Variants in PARD3B observed in about 807,000 individuals in gnomAD.
The protein encoded by PARD3B is partitioning defective 3 homolog B.
Under a neutral mutation model 130.2 loss-of-function variants are expected in PARD3B, and 103 were observed. The observed-to-expected ratio is 0.79, with a 90% CI of 0.67 to 0.93. The LOEUF (loss-of-function observed/expected upper bound fraction) is 0.93. Among genes scored for constraint, PARD3B ranks in the 40% least tolerant of loss-of-function variants. PARD3B has a pLI of 0.00. For missense variants in PARD3B, 1,609 were observed against 1,499.2 expected (o/e 1.07, Z -1.21); for synonymous variants, 583 against 553.2 (o/e 1.05, Z -0.76).
chr2:205,089,866 G>GTC (rs1287677204), intron 4 of PARD3B, among the ~76,000 whole-genome samples: 3 of 152,142 alleles, frequency 2.0e-5, no homozygotes, highest in African/African-American at 7.2e-5. Context: ...TCAGAGGAAG[G>GTC]TCATCCACAG....
chr2:205,211,982 C>G (rs868463241), intron 15 of PARD3B, among the ~76,000 whole-genome samples: 5 of 151,928 alleles, frequency 3.3e-5, no homozygotes, highest in South Asian at 2.1e-4. Flanking sequence ...TCATAGCACC[C>G]AAATTGAAGG....
At position 205,241,348 on chromosome 2, in the gene PARD3B, AAAGATC is replaced by A. The variant is rs1399724320; in HGVS notation, c.2141-4425_2141-4420del. Among the ~76,000 whole-genome samples, 2 of 152,200 alleles carry A rather than the reference AAAGATC, an allele frequency of 1.3e-5. No individual in the cohort carries two copies. The highest frequency in any genetic ancestry group is 2.1e-4 in the South Asian group (1 of 4,838). On this transcript the variant is annotated intron_variant, in intron 15 of 22. Transcript: ENST00000406610. The surrounding 1 kb of genome is among the most constrained non-coding windows in gnomAD (Gnocchi z 4.2). ...TCCTATTATCTAAATAAATCGGAAG[AAAGATC>A]AAGAGGAGGCAGTCCATGGTACTCT...
intron 18 of PARD3B, among the ~76,000 whole-genome samples, chr2:205,343,384 C>G (rs1278347603): frequency 6.6e-6 from 1 of 152,192 alleles, no homozygotes; most frequent in African/African-American, 2.4e-5. Flanking sequence ...AGTTAGGGAG[C>G]TGTTTAGATT....
chr2:204,820,238 A>G (rs1559171057), intron 2 of PARD3B, among the ~76,000 whole-genome samples: 2 of 150,888 alleles, frequency 1.3e-5, no homozygotes, highest in South Asian at 4.2e-4. Flanking sequence ...ACCATGCCCA[A>G]TTAATTTTAT....
intron 11 of PARD3B, among the ~76,000 whole-genome samples, chr2:205,165,825 C>T (rs1408815555): frequency 6.6e-6 from 1 of 152,036 alleles, no homozygotes; most frequent in African/African-American, 2.4e-5. Flanking sequence ...TGGTTTGTTA[C>T]ATAGAAATGG....
At chr2:205,038,362 C>G (rs1220974461) in intron 3 of PARD3B, among the ~76,000 whole-genome samples, 4 of 152,042 alleles carry the variant, frequency 2.6e-5, no homozygotes, top group African/African-American at 9.7e-5. Flanking sequence ...AAGACCTGGA[C>G]CTTTGCTTGC....
At chr2:204,944,817 C>T (rs1329497842) in intron 2 of PARD3B, among the ~76,000 whole-genome samples, 1 of 152,190 alleles carries the variant, frequency 6.6e-6, no homozygotes, top group East Asian at 1.9e-4. Flanking sequence ...CTTTCTTCCT[C>T]CACCATGGCC....
chr2:204,771,410 G>T (rs2041374006), intron 2 of PARD3B, among the ~76,000 whole-genome samples: 1 of 152,030 alleles, frequency 6.6e-6, no homozygotes, highest in Admixed American at 6.6e-5. Flanking sequence ...TAAGAGAATT[G>T]TACTGAGAAC....
intron 22 of PARD3B, among the ~76,000 whole-genome samples, chr2:205,593,826 C>T (rs1366092112): frequency 6.6e-6 from 1 of 152,136 alleles, no homozygotes; most frequent in East Asian, 1.9e-4. Flanking sequence ...ATCCAGAAAT[C>T]CCGTTAGGCA....
At chr2:205,556,910 G>A (rs1211482831) in intron 22 of PARD3B, among the ~76,000 whole-genome samples, 1 of 152,064 alleles carries the variant, frequency 6.6e-6, no homozygotes, top group Admixed American at 6.5e-5. Flanking sequence ...CCAGCCGCTC[G>A]CAATTCTCCC....
chr2:205,145,992 T>A (rs2033328839), intron 10 of PARD3B, among the ~76,000 whole-genome samples: 1 of 152,136 alleles, frequency 6.6e-6, no homozygotes, highest in Admixed American at 6.5e-5. Context: ...CAGCCCTAAA[T>A]GGGCACAGCC....
chr2:205,603,491 C>A (rs1348790174), intron 22 of PARD3B, among the ~76,000 whole-genome samples: 1 of 152,164 alleles, frequency 6.6e-6, no homozygotes, highest in Non-Finnish European at 1.5e-5. Context: ...GTCCAAGTCT[C>A]TTTGTAGGTC....
intron 10 of PARD3B, among the ~76,000 whole-genome samples, chr2:205,138,423 C>G (rs1176997186): frequency 1.3e-5 from 2 of 152,134 alleles, no homozygotes; most frequent in Non-Finnish European, 2.9e-5. Context: ...CTTCTCCCAC[C>G]TCACATAGAG....
At chr2:205,153,029 C>T (rs1156310916) in intron 10 of PARD3B, among the ~76,000 whole-genome samples, 1 of 152,186 alleles carries the variant, frequency 6.6e-6, no homozygotes, top group Admixed American at 6.5e-5. Flanking sequence ...AGCTGCAGGT[C>T]TGTTAGAGTT....
chr2:205,599,250 A>AG, intron 22 of PARD3B, among the ~76,000 whole-genome samples: 1 of 152,276 alleles, frequency 6.6e-6, no homozygotes, highest in South Asian at 2.1e-4. Flanking sequence ...AGATGTAAAA[A>AG]TTTTTTAAAG....
intron 2 of PARD3B, among the ~76,000 whole-genome samples, chr2:204,909,159 A>G (rs1442596113): frequency 2.0e-5 from 3 of 152,180 alleles, no homozygotes; most frequent in South Asian, 2.1e-4. Context: ...GGCCATCGTC[A>G]TACACTTTTG....
intron 2 of PARD3B, among the ~76,000 whole-genome samples, chr2:204,954,103 C>G (rs950312577): frequency 3.3e-5 from 5 of 152,140 alleles, no homozygotes; most frequent in Admixed American, 6.5e-5. Context: ...CATTTAGATG[C>G]TCCCAAAGTC....
chr2:205,304,935 A>G (rs2042137993), intron 18 of PARD3B, among the ~76,000 whole-genome samples: 2 of 152,154 alleles, frequency 1.3e-5, no homozygotes. Flanking sequence ...ACAGAGTAAG[A>G]CCCTATCTCA....
intron 22 of PARD3B, among the ~76,000 whole-genome samples, chr2:205,594,343 T>G (rs1361729526): frequency 6.6e-6 from 1 of 152,146 alleles, no homozygotes; most frequent in Admixed American, 6.5e-5. Context: ...GTGAACCAGG[T>G]AAGGTGATGG....
Sources: allele counts gnomAD v4.1 joint callset (sites outside exome capture counted in the v4.1 genomes callset), GRCh38; gene constraint gnomAD v4.1.1; non-coding constraint Gnocchi (gnomAD v3.1); transcripts MANE v1.5; gene names NCBI Gene and HGNC (gene_info 2026-07-23, HGNC 2026-07-21).